The following LRRFIP1 variants were observed in gnomAD, a reference collection of about 807,000 sequenced individuals.
LRRFIP1 encodes the protein leucine-rich repeat flightless-interacting protein 1.
In LRRFIP1, 62 loss-of-function variants were observed where a neutral mutation model predicts 104.4. The ratio of observed to expected loss-of-function variants is 0.59; its 90% CI spans 0.48 to 0.73. LRRFIP1 has a LOEUF of 0.73. Among genes scored for constraint, LRRFIP1 ranks in the 30% least tolerant of loss-of-function variants. The pLI is 0.00. For synonymous variants in LRRFIP1, 300 were observed against 299.0 expected (o/e 1.00, Z -0.03); for missense variants, 796 against 824.5 (o/e 0.97, Z 0.42).
chr2:237,779,216 GA>G (rs922932252), intron 23 of LRRFIP1: 758 of 402,354 alleles, frequency 1.9e-3, no homozygotes, highest in Non-Finnish European at 2.3e-3. Context: ...TCCATCTCAA[GA>G]AAAAAAAAAG....
At position 237,649,176 on chromosome 2, in the gene LRRFIP1, C is replaced by G. The variant is rs2085468472; in HGVS notation, c.96+21436C>G. 6.6e-6 allele frequency among the ~76,000 whole-genome samples: 1 copy of G among 151,860 alleles called. No individual in the cohort carries two copies. Among genetic ancestry groups the G allele is most frequent in the South Asian group, 2.1e-4 (1 of 4,826 alleles). ...CAGAGCCCCGTTCTCTGTGACCTGG[C>G]TGGGTCAAAGCCTGGCCCCAGAACA... On this transcript the variant is annotated intron_variant, in intron 1 of 23. Transcript: ENST00000308482. The surrounding 1 kb of genome is among the most constrained non-coding windows in gnomAD (Gnocchi z 4.1).
chr2:237,778,997 A>G (rs9808451), intron 23 of LRRFIP1, among the ~76,000 whole-genome samples: 34,463 of 151,896 alleles, frequency 0.23, 5,617 homozygotes, highest in African/African-American at 0.46. Context: ...GCCAAGGCGG[A>G]CAGATCACGA....
Position 237,627,695 on chromosome 2 carries a change from G to A in LRRFIP1, c.51G>A (p.Glu17=). 7.3e-7 allele frequency: 1 copy of A among 1,369,780 alleles called. No homozygotes were observed. The highest frequency in any genetic ancestry group is 9.5e-7 in the Non-Finnish European group (1 of 1,049,746). The allele number at this position is 1,369,780 out of a possible 1,614,324, so 84.9% of individuals were successfully genotyped here. A position where few individuals can be genotyped will look rare whatever the true frequency, so the allele number is the denominator to read the frequency against. ...GGCGCAAGCGGCTCCCCAACCGGGA[G>A]CGGCTCACGGCGGAGGACGACGCGC... ...GSGRKRLPNR[E]RLTAEDDALN... Residue 17 remains glutamate (E), a synonymous_variant, in exon 1 of 24, where the codon GAG becomes GAA. Transcript: ENST00000308482.
intron 1 of LRRFIP1, among the ~76,000 whole-genome samples, chr2:237,627,957 C>T (rs1443608180): frequency 1.3e-5 from 2 of 150,894 alleles, no homozygotes; most frequent in East Asian, 3.9e-4. Flanking sequence ...CGCACCCGTT[C>T]TCCAGCCCCG....
intron 1 of LRRFIP1, among the ~76,000 whole-genome samples, chr2:237,657,805 A>T (rs1479743548): frequency 6.6e-6 from 1 of 152,220 alleles, no homozygotes; most frequent in African/African-American, 2.4e-5. Context: ...ATTGAAGACA[A>T]TGTCTTCCAC....
Position 237,717,790 on chromosome 2 carries a change from G to A in LRRFIP1, c.230G>A (p.Gly77Asp), listed in dbSNP as rs745942063. 2 of 1,612,872 alleles carry A rather than the reference G, an allele frequency of 1.2e-6. No individual in the cohort carries two copies. The highest frequency in any genetic ancestry group is 2.2e-5 in the East Asian group (1 of 44,890). Residue 77 changes from glycine (G) to aspartate (D), a missense_variant, in exon 4 of 24, where the codon GGT becomes GAT. By Grantham distance (94) the Gly-to-Asp change is moderately conservative. Coordinates refer to ENST00000308482, the MANE Select transcript of LRRFIP1 (RefSeq NM_001137550.2). The surrounding 1 kb of genome is among the most constrained non-coding windows in gnomAD (Gnocchi z 4.2). ...TATTATGGGCTGGATACAAAATGGG[G>A]TGACATCGAGCAGTGGATGGTAGGC... ...KKYYGLDTKW[G>D]DIEQWMEDSE...
intron 1 of LRRFIP1, among the ~76,000 whole-genome samples, chr2:237,637,279 C>T (rs1000180070): frequency 1.4e-4 from 22 of 152,270 alleles, no homozygotes; most frequent in Admixed American, 3.9e-4. Flanking sequence ...ACCAGCCTAA[C>T]CAATATGGTG....
intron 1 of LRRFIP1, among the ~76,000 whole-genome samples, chr2:237,663,495 A>G (rs1179788098): frequency 2.0e-5 from 3 of 152,168 alleles, no homozygotes; most frequent in Non-Finnish European, 4.4e-5. Flanking sequence ...TGAACAAGAA[A>G]GGGGGCCCTC....
intron 2 of LRRFIP1, among the ~76,000 whole-genome samples, chr2:237,710,042 G>C (rs796356128): frequency 6.6e-6 from 1 of 151,490 alleles, no homozygotes; most frequent in South Asian, 2.1e-4. Context: ...TAATAGAGAC[G>C]GGGTTTCACC....
At chr2:237,629,474 T>C (rs1188203440) in intron 1 of LRRFIP1, among the ~76,000 whole-genome samples, 95 of 147,552 alleles carry the variant, frequency 6.4e-4, no homozygotes, top group South Asian at 1.5e-3. Flanking sequence ...CTTCTTTTTT[T>C]TTTTTTTTTT....
At chr2:237,716,583 A>G (rs2094339553) in intron 3 of LRRFIP1, among the ~76,000 whole-genome samples, 1 of 152,228 alleles carries the variant, frequency 6.6e-6, no homozygotes, top group African/African-American at 2.4e-5. Context: ...TAGCAACAGC[A>G]TGTTTTTGGT....
chr2:237,635,868 G>T (rs775665506), intron 1 of LRRFIP1, among the ~76,000 whole-genome samples: 1 of 152,064 alleles, frequency 6.6e-6, no homozygotes, highest in Non-Finnish European at 1.5e-5. Context: ...GGAGGGCAGT[G>T]AGTGGATCAC....
intron 19 of LRRFIP1, chr2:237,763,388 G>A (rs2060059128): frequency 6.2e-7 from 1 of 1,614,012 alleles, no homozygotes; most frequent in Non-Finnish European, 8.5e-7. Context: ...TGACCAACAG[G>A]GAGAGGCATT....
At chr2:237,745,500 T>A (rs377158542) in intron 11 of LRRFIP1, among the ~76,000 whole-genome samples, 35 of 152,222 alleles carry the variant, frequency 2.3e-4, no homozygotes, top group African/African-American at 8.4e-4. Flanking sequence ...TTTTTGGGGT[T>A]TTTTCCCTTA....
intron 1 of LRRFIP1, among the ~76,000 whole-genome samples, chr2:237,694,892 C>T (rs2093063962): frequency 1.3e-5 from 2 of 152,208 alleles, no homozygotes. Context: ...TAGCATTCAG[C>T]CCTTCTAAAT....
In LRRFIP1 at chr2:237,649,301, G is replaced by A. The variant is rs373875321; in HGVS notation, c.96+21561G>A. Among the ~76,000 whole-genome samples, 1 of 151,900 alleles carries A rather than the reference G, an allele frequency of 6.6e-6. No homozygotes were observed. The highest frequency in any genetic ancestry group is 1.5e-5 in the Non-Finnish European group (1 of 67,916). ...TCCCAGCACTTTGGGAGGCCAGGGCGGGCAGATAACTTGAGGTCAGGAGTT... is the reference window on the plus strand; with the variant it reads ...TCCCAGCACTTTGGGAGGCCAGGGCAGGCAGATAACTTGAGGTCAGGAGTT... On this transcript the variant is annotated intron_variant, in intron 1 of 23. Coordinates refer to ENST00000308482, the MANE Select transcript of LRRFIP1 (RefSeq NM_001137550.2). The surrounding 1 kb of genome is among the most constrained non-coding windows in gnomAD (Gnocchi z 4.1).
chr2:237,673,489 C>T (rs1417357572), intron 1 of LRRFIP1, among the ~76,000 whole-genome samples: 1 of 152,218 alleles, frequency 6.6e-6, no homozygotes, highest in African/African-American at 2.4e-5. Flanking sequence ...CATCCAGTGC[C>T]GCGCGTGGCG....
In LRRFIP1 at chr2:237,717,825, A is replaced by C; in HGVS notation, c.249+16A>C. On this transcript the variant is annotated intron_variant, in intron 4 of 23. Transcript: ENST00000308482. This position sits in a 1 kb window ranked among gnomAD's most constrained non-coding sequence, Gnocchi z 4.2. ...GCAGTGGATGGTAGGCCTTGAATAT[A>C]ATTTTGTTTTTACTCTTCCCTCCCC... 1 of 1,606,232 alleles carries C rather than the reference A, an allele frequency of 6.2e-7. No individual in the cohort carries two copies. Among genetic ancestry groups the C allele is most frequent in the Non-Finnish European group, 8.5e-7 (1 of 1,172,806 alleles).
At chr2:237,778,617 G>T (rs1457322607) in intron 23 of LRRFIP1, among the ~76,000 whole-genome samples, 1 of 152,184 alleles carries the variant, frequency 6.6e-6, no homozygotes, top group Non-Finnish European at 1.5e-5. Flanking sequence ...CTTACCTTTT[G>T]TGAAACCATC....
Sources: allele counts gnomAD v4.1 joint callset (sites outside exome capture counted in the v4.1 genomes callset), GRCh38; gene constraint gnomAD v4.1.1; non-coding constraint Gnocchi (gnomAD v3.1); transcripts MANE v1.5; gene names NCBI Gene and HGNC (gene_info 2026-07-23, HGNC 2026-07-21).